Variants in GPHN observed in about 807,000 individuals in gnomAD.
GPHN encodes gephyrin.
A neutral mutation model predicts 95.5 loss-of-function variants in GPHN; 17 were observed. The observed-to-expected ratio is 0.18, with a 90% CI of 0.12 to 0.27. The LOEUF (loss-of-function observed/expected upper bound fraction) is 0.27. Ranked by LOEUF, GPHN falls within the 10% of genes least tolerant of loss-of-function variation. The pLI is 1.00. For missense variants in GPHN, 660 were observed against 978.1 expected (o/e 0.67, Z 4.34); for synonymous variants, 320 against 322.5 (o/e 0.99, Z 0.08).
chr14:66,837,361 G>C (rs758762357), intron 4 of GPHN, among the ~76,000 whole-genome samples: 1 of 145,428 alleles, frequency 6.9e-6, no homozygotes, highest in Non-Finnish European at 1.5e-5. Flanking sequence ...ACCAAACACC[G>C]CATGTTCTCA....
the GPHN span, chr14:67,645,560 A>G: frequency 4.7e-6 from 7 of 1,486,930 alleles, no homozygotes; most frequent in African/African-American, 2.8e-5. Context: ...TGGAGAGAGT[A>G]TAAGTTGTTT....
At chr14:66,926,832 G>A (rs1050101476) in intron 8 of GPHN, among the ~76,000 whole-genome samples, 1 of 152,134 alleles carries the variant, frequency 6.6e-6, no homozygotes, top group Non-Finnish European at 1.5e-5. Flanking sequence ...ATTGCTTTGG[G>A]AAGTATGGAC....
the GPHN span, chr14:67,663,211 G>C: frequency 6.7e-7 from 1 of 1,483,234 alleles, no homozygotes; most frequent in African/African-American, 1.4e-5. Flanking sequence ...AAATAGAACA[G>C]GCTTCAGCTT....
chr14:66,802,458 G>A (rs950064068), intron 3 of GPHN, among the ~76,000 whole-genome samples: 1 of 152,050 alleles, frequency 6.6e-6, no homozygotes, highest in African/African-American at 2.4e-5. Flanking sequence ...AACCCCCTGT[G>A]GCCAAGTTGG....
At chr14:66,933,811 A>G (rs1488669506) in intron 8 of GPHN, among the ~76,000 whole-genome samples, 1 of 152,126 alleles carries the variant, frequency 6.6e-6, no homozygotes, top group African/African-American at 2.4e-5. Context: ...CTCAGAATAC[A>G]AATATAAACA....
At chr14:67,346,645 A>C in the GPHN span, among the ~76,000 whole-genome samples, 1 of 152,164 alleles carries the variant, frequency 6.6e-6, no homozygotes, top group Non-Finnish European at 1.5e-5. Context: ...AAAAGTTAAT[A>C]CTTTACTTTG....
At chr14:67,068,148 C>A (rs1482600841) in intron 11 of GPHN, among the ~76,000 whole-genome samples, 2 of 152,188 alleles carry the variant, frequency 1.3e-5, no homozygotes, top group Non-Finnish European at 2.9e-5. Flanking sequence ...CAACTGGAAC[C>A]CGGGATCCTT....
chr14:67,432,180 T>TA, the GPHN span, among the ~76,000 whole-genome samples: 2 of 152,212 alleles, frequency 1.3e-5, no homozygotes, highest in Non-Finnish European at 2.9e-5. Flanking sequence ...AACAACTCCC[T>TA]AAGATATGTT....
intron 5 of GPHN, among the ~76,000 whole-genome samples, chr14:66,912,432 A>G (rs2065716917): frequency 6.6e-6 from 1 of 152,068 alleles, no homozygotes; most frequent in African/African-American, 2.4e-5. Context: ...CTTAATATAC[A>G]TTTACATTTA....
intron 2 of GPHN, among the ~76,000 whole-genome samples, chr14:66,716,990 AG>A (rs2070243126): frequency 6.6e-6 from 1 of 152,168 alleles, no homozygotes; most frequent in South Asian, 2.1e-4. Context: ...CAATATGCCT[AG>A]GCGATGATCT....
chr14:66,551,424 G>A (rs2059808004), intron 1 of GPHN, among the ~76,000 whole-genome samples: 1 of 151,982 alleles, frequency 6.6e-6, no homozygotes. Flanking sequence ...GTTCATCCCT[G>A]GTCCTTAGCC....
At chr14:66,842,746 AT>A in intron 4 of GPHN, 3 of 1,458,862 alleles carry the variant, frequency 2.1e-6, no homozygotes, top group Non-Finnish European at 2.8e-6. Context: ...CCAGCCAATC[AT>A]TTTCAGATTA....
At chr14:67,110,097 A>G in intron 13 of GPHN, 43 bp from the exon 14 acceptor site, 1 of 1,587,710 alleles carries the variant, frequency 6.3e-7, no homozygotes, top group Non-Finnish European at 8.6e-7. Context: ...TTTCCTTTGC[A>G]GCAGCAAAGT....
intron 10 of GPHN, among the ~76,000 whole-genome samples, chr14:67,026,695 T>C (rs2073943091): frequency 6.6e-6 from 1 of 152,174 alleles, no homozygotes; most frequent in Non-Finnish European, 1.5e-5. Flanking sequence ...CAGGTTGGAG[T>C]GCAGTGGCGC....
the GPHN span, among the ~76,000 whole-genome samples, chr14:67,307,151 T>C: frequency 1.3e-5 from 2 of 152,196 alleles, no homozygotes; most frequent in Non-Finnish European, 2.9e-5. Context: ...GCAAGAGTCT[T>C]GGCACCTCTG....
chr14:67,661,922 C>T, the GPHN span, among the ~76,000 whole-genome samples: 7 of 151,972 alleles, frequency 4.6e-5, no homozygotes, highest in South Asian at 6.2e-4. Context: ...TTTGGGAGGC[C>T]GAGGCGGGCA....
Position 67,169,027 on chromosome 14 carries a change from C to A in GPHN, c.2070C>A (p.Ile690=). The change falls in exon 21 of 23, where the codon ATC becomes ATA. Residue 690 remains isoleucine (I), a synonymous_variant. Transcript: ENST00000478722. ...TCTTGGATCCTCGGCCAACCATCAT[C>A]AAAGCAAGGGTAATGCTTTCTAATG... ...QGILDPRPTI[I]KARLSCDVKL... 6.2e-7 allele frequency: 1 copy of A among 1,607,570 alleles called. No individual in the cohort carries two copies. Among genetic ancestry groups the A allele is most frequent in the Non-Finnish European group, 8.5e-7 (1 of 1,174,130 alleles).
intron 2 of GPHN, among the ~76,000 whole-genome samples, chr14:66,762,129 T>G (rs964829202): frequency 7.4e-6 from 1 of 134,238 alleles, no homozygotes; most frequent in Non-Finnish European, 1.5e-5. Flanking sequence ...TAAAACCTTT[T>G]GAAAGGTTAA....
chr14:67,361,927 C>G, the GPHN span, among the ~76,000 whole-genome samples: 1 of 151,604 alleles, frequency 6.6e-6, no homozygotes, highest in Admixed American at 6.6e-5. Context: ...TCACTGTGCC[C>G]TTTCATAGTA....
Sources: allele counts gnomAD v4.1 joint callset (sites outside exome capture counted in the v4.1 genomes callset), GRCh38; gene constraint gnomAD v4.1.1; transcripts MANE v1.5; gene names NCBI Gene and HGNC (gene_info 2026-07-23, HGNC 2026-07-21).